The following NIPAL1 variants were observed in gnomAD, a reference collection of about 807,000 sequenced individuals.
NIPAL1 encodes the protein magnesium transporter NIPA3.
A neutral mutation model predicts 37.7 loss-of-function variants in NIPAL1; 35 were observed. That is an observed-to-expected ratio of 0.93 (90% CI 0.71 to 1.23). The LOEUF (loss-of-function observed/expected upper bound fraction) is 1.23, where lower values mean the gene tolerates loss of function less well. Among genes scored for constraint, NIPAL1 ranks in the 50% most tolerant of loss-of-function variants. The pLI, the probability that NIPAL1 is intolerant of heterozygous loss-of-function variation, is 0.00. For synonymous variants in NIPAL1, 162 were observed against 183.0 expected, an observed-to-expected ratio of 0.89 and a Z score of 0.93; for missense variants, 412 against 473.9, an observed-to-expected ratio of 0.87 and a Z score of 1.21.
At chr4:48,035,267 G>C (rs1241916845) in intron 5 of NIPAL1, among the ~76,000 whole-genome samples, 1 of 152,206 alleles carries the variant, frequency 6.6e-6, no homozygotes, top group African/African-American at 2.4e-5. Context: ...GGGGATGGTA[G>C]AGGCAAAAGA....
chr4:48,035,633 G>T lies in NIPAL1; in HGVS notation c.694G>T (p.Gly232Ter), dbSNP rs1235305355. ...GATTTTGATTGTGGCTCCCAAGAAA[G>T]GACAGACCAATATATTGGTTTATAT... is the stretch of plus-strand genomic sequence containing the variant. ...VLILIVAPKKGQTNILVYISI... is the reference protein window; with the variant it reads ...VLILIVAPKK The change falls in exon 6 of 6, where the codon GGA becomes TGA. Residue 232 changes from glycine (G) to a stop codon, truncating the protein, a stop_gained. Transcript: ENST00000295461. LOFTEE classifies it high-confidence loss of function. The T allele has an allele frequency of 1.9e-6, 3 of 1,613,536 alleles. No homozygotes were observed. In the African/African-American group the frequency reaches 4.0e-5, roughly 22 times the overall value.
chr4:48,035,823 A>G lies in NIPAL1; in HGVS notation c.884A>G (p.Asn295Ser). 1.9e-6 allele frequency: 3 copies of G among 1,614,174 alleles called. No individual in the cohort carries two copies. Among genetic ancestry groups the G allele is most frequent in the Non-Finnish European group, 2.5e-6 (3 of 1,180,016 alleles). ...LSVTTQINYL[N>S]KALDTFNTSL... ...GTAACTACACAGATTAACTATCTCA[A>G]CAAGGCACTGGACACCTTTAATACC... is the stretch of plus-strand genomic sequence containing the variant. The change falls in exon 6 of 6, where the codon AAC becomes AGC. Residue 295 changes from asparagine to serine, a missense_variant. Transcript: ENST00000295461.
intron 2 of NIPAL1, among the ~76,000 whole-genome samples, chr4:48,026,970 G>C (rs906630140): frequency 6.6e-6 from 1 of 151,570 alleles, no homozygotes; most frequent in Non-Finnish European, 1.5e-5. Context: ...CGCCCGCCTC[G>C]GCCTCCCAAA....
Position 48,025,117 on chromosome 4 carries a change from G to T in NIPAL1, c.96G>T (p.Glu32Asp). 1 of 1,613,972 alleles carries T rather than the reference G, an allele frequency of 6.2e-7. No individual in the cohort carries two copies. The highest frequency in any genetic ancestry group is 8.5e-7 in the Non-Finnish European group (1 of 1,179,808). ...CAAACTCCTCCCAGGCTTGGTGTGAGATCACAAATGTGTCACAGCTGCTGG... is the reference window on the plus strand; with the variant it reads ...CAAACTCCTCCCAGGCTTGGTGTGATATCACAAATGTGTCACAGCTGCTGG... ...VCPNSSQAWCEITNVSQLLAS... is the reference protein window; with the variant it reads ...VCPNSSQAWCDITNVSQLLAS... The change falls in exon 2 of 6, where the codon GAG (glutamate) becomes GAT (aspartate). Residue 32 changes from glutamate to aspartate, a missense_variant. Transcript: ENST00000295461.
At chr4:48,016,993 T>A in intron 1 of NIPAL1, 108 bp downstream of exon 1, 1 of 887,826 alleles carries the variant, frequency 1.1e-6, no homozygotes, top group Non-Finnish European at 1.7e-6. Context: ...GTACCGACTC[T>A]AAACGTAGTC....
intron 1 of NIPAL1, among the ~76,000 whole-genome samples, chr4:48,018,814 G>A (rs1393192438): frequency 6.6e-6 from 1 of 152,144 alleles, no homozygotes; most frequent in Non-Finnish European, 1.5e-5. Context: ...TACTATGCAA[G>A]AAACAAAGTA....
At chr4:48,024,233 C>T (rs1560322589) in intron 1 of NIPAL1, among the ~76,000 whole-genome samples, 3 of 152,088 alleles carry the variant, frequency 2.0e-5, no homozygotes, top group Non-Finnish European at 4.4e-5. Flanking sequence ...CCCGCCTTGG[C>T]CACCCAAAGT....
At position 48,030,190 on chromosome 4, in the gene NIPAL1, A is replaced by G; in HGVS notation, c.370+14A>G. The G allele has an allele frequency of 1.4e-6, 2 of 1,455,642 alleles. No homozygotes were observed. The highest frequency in any genetic ancestry group is 1.9e-6 in the Non-Finnish European group (2 of 1,036,032). The allele number at this position is 1,455,642 out of a possible 1,614,324, so 90.2% of individuals were successfully genotyped here. On this transcript the variant is annotated intron_variant, in intron 3 of 5. Coordinates refer to ENST00000295461, the MANE Select transcript of NIPAL1 (RefSeq NM_207330.3). Reference sequence around the variant, plus strand: ...GATTGCTGTCAAGTAAGTTTTTAATACTGAGAATACTGTTTATTTGTAAGA... The same window carrying G: ...GATTGCTGTCAAGTAAGTTTTTAATGCTGAGAATACTGTTTATTTGTAAGA...
intron 2 of NIPAL1, among the ~76,000 whole-genome samples, chr4:48,025,840 T>C (rs1715674233): frequency 6.6e-6 from 1 of 152,184 alleles, no homozygotes; most frequent in Non-Finnish European, 1.5e-5. Flanking sequence ...TTCCTCTTGC[T>C]TTTCTCCCCA....
intron 4 of NIPAL1, 85 bp from the exon 5 acceptor site, chr4:48,034,796 A>AT (rs1404311563): frequency 8.2e-6 from 8 of 972,106 alleles, no homozygotes; most frequent in Non-Finnish European, 1.3e-5. Context: ...ACATGGTGGC[A>AT]TGTACCACAG....
At chr4:48,022,389 G>A (rs1180440365) in intron 1 of NIPAL1, among the ~76,000 whole-genome samples, 1 of 152,110 alleles carries the variant, frequency 6.6e-6, no homozygotes, top group Non-Finnish European at 1.5e-5. Flanking sequence ...CATAAAACTT[G>A]GAGCATTCAT....
intron 1 of NIPAL1, among the ~76,000 whole-genome samples, chr4:48,022,866 T>C (rs1715603544): frequency 6.6e-6 from 1 of 151,730 alleles, no homozygotes; most frequent in Non-Finnish European, 1.5e-5. Context: ...TGCATGCCTG[T>C]GGTTCCAGCT....
chr4:48,025,443 AT>A (rs779365438), intron 2 of NIPAL1, 109 bp downstream of exon 2: 125 of 1,115,754 alleles, frequency 1.1e-4, no homozygotes, highest in Non-Finnish European at 1.5e-4. Flanking sequence ...ATAGTTATTG[AT>A]TTTTTTTCCA....
Position 48,030,128 on chromosome 4 carries a change from G to A in NIPAL1, c.322G>A (p.Gly108Arg), listed in dbSNP as rs1022154975. 20 of 1,600,934 alleles carry A rather than the reference G, an allele frequency of 1.2e-5. No individual in the cohort carries two copies. The highest frequency in any genetic ancestry group is 6.7e-5 in the Admixed American group (4 of 59,948). The change falls in exon 3 of 6, where the codon GGA (glycine) becomes AGA (arginine). Residue 108 changes from glycine to arginine, a missense_variant. Coordinates refer to ENST00000295461, the MANE Select transcript of NIPAL1 (RefSeq NM_207330.3). ...SKGFTRAGQG[G>R]HSYLKEWLWW... ...TACTTTTTGTATTTTAGGACAAGGTGGACATTCTTACCTGAAGGAATGGCT... is the reference window on the plus strand; with the variant it reads ...TACTTTTTGTATTTTAGGACAAGGTAGACATTCTTACCTGAAGGAATGGCT...
chr4:48,017,138 C>T (rs1463690190), intron 1 of NIPAL1, among the ~76,000 whole-genome samples: 1 of 152,254 alleles, frequency 6.6e-6, no homozygotes, highest in African/African-American at 2.4e-5. Context: ...ACTCGATTCG[C>T]GAGGCCGACC....
Position 48,016,833 on chromosome 4 carries a change from CG to C in NIPAL1, c.-3del. 6.3e-7 allele frequency: 1 copy of C among 1,577,666 alleles called. No individual in the cohort carries two copies. On this transcript the variant is annotated 5_prime_UTR_variant, in exon 1 of 6. Coordinates refer to ENST00000295461, the MANE Select transcript of NIPAL1 (RefSeq NM_207330.3). ...CGCCCGCGTTCCGGAAGCCCGCTCC[CG>C]GGGCCATGGGGGCACAGGTGAGGCT...
rs1211656168 is a variant in NIPAL1, at chr4:48,040,073, G to A, written c.*3901G>A. The stretch of plus-strand genomic sequence containing the variant: ...ATATTTTGAATAAACTGTTCATGAA[G>A]CCTTATATTTTGCAAGTGTTTTTAC... On this transcript the variant is annotated 3_prime_UTR_variant, in exon 6 of 6. Coordinates refer to ENST00000295461, the MANE Select transcript of NIPAL1 (RefSeq NM_207330.3). 1.3e-5 allele frequency: 2 copies of A among 152,036 alleles called. No individual in the cohort carries two copies. Among genetic ancestry groups the A allele is most frequent in the African/African-American group, 4.8e-5 (2 of 41,386 alleles). The allele number at this position is 152,036 out of a possible 1,614,324, so 9.4% of individuals were successfully genotyped here.
Position 48,035,174 on chromosome 4 carries a change from T to G in NIPAL1, c.622+133T>G, listed in dbSNP as rs998505412. 6.6e-6 allele frequency: 5 copies of G among 754,846 alleles called. No individual in the cohort carries two copies. The African/African-American group carries it at 8.9e-5, about 14-fold the overall frequency. 46.8% of individuals were successfully genotyped at this position (754,846 alleles called of 1,614,324 possible). On this transcript the variant is annotated intron_variant, in intron 5 of 5. Transcript: ENST00000295461. ...TTGTGGGTTGTGAGACACAGTGAGG[T>G]TTGATTATTATTTCTCCTGAAAAGA...
rs528189331 is a variant in NIPAL1 at position 48,028,065 on chromosome 4, C to T, written c.314-2055C>T. On this transcript the variant is annotated intron_variant, in intron 2 of 5. Transcript: ENST00000295461. ...AAAATTTCCTACAAATTAAGAAAAA[C>T]TTATGATTTGTGGAAAAACAAAGGG... 5.3e-5 allele frequency among the ~76,000 whole-genome samples: 8 copies of T among 152,152 alleles called. No homozygotes were observed. In the South Asian group the frequency reaches 1.5e-3, roughly 28 times the overall value.
Sources: allele counts gnomAD v4.1 joint callset (sites outside exome capture counted in the v4.1 genomes callset), GRCh38; gene constraint gnomAD v4.1.1; transcripts MANE v1.5; gene names NCBI Gene and HGNC (gene_info 2026-07-23, HGNC 2026-07-21).